Variants in CCDC60 observed in about 807,000 individuals in gnomAD.
The protein encoded by CCDC60 is coiled-coil domain containing 60, also known as coiled-coil domain-containing protein 60.
Under a neutral mutation model 63.5 loss-of-function variants are expected in CCDC60, and 54 were observed. That is an observed-to-expected ratio of 0.85 (90% CI 0.68 to 1.07). The LOEUF is 1.07. CCDC60 is among the 50% of genes least tolerant of loss of function. The probability of loss-of-function intolerance (pLI) is 0.00; values close to 1 mark genes in which losing one functional copy is unlikely to be tolerated. For synonymous variants in CCDC60, 206 were observed against 238.8 expected (o/e 0.86, Z 1.27); for missense variants, 651 against 684.3 (o/e 0.95, Z 0.54).
At chr12:119,475,752 A>G (rs934611680) in intron 3 of CCDC60, among the ~76,000 whole-genome samples, 3 of 152,162 alleles carry the variant, frequency 2.0e-5, no homozygotes, top group Non-Finnish European at 4.4e-5. Flanking sequence ...AATAAATGGT[A>G]CCAAACTCCC....
Position 119,488,759 on chromosome 12 carries a change from C to G in CCDC60, c.450C>G (p.Val150=), listed in dbSNP as rs777506922. Residue 150 remains valine (V), a splice_region_variant and synonymous_variant, in exon 5 of 14, where the codon GTC becomes GTG. Transcript: ENST00000327554. ...IISPSLTEAH[V]EPLFRQLCAL... ...GTGTTCCCTCTCTCTGTCTTTGCAG[C>G]GAGCCCCTCTTCCGCCAGCTCTGTG... The G allele has an allele frequency of 3.1e-6, 5 of 1,613,524 alleles. No individual in the cohort carries two copies. The South Asian group carries it at 4.4e-5, about 14-fold the overall frequency.
At chr12:119,394,278 C>T (rs1244788901) in intron 1 of CCDC60, among the ~76,000 whole-genome samples, 1 of 152,192 alleles carries the variant, frequency 6.6e-6, no homozygotes, top group Non-Finnish European at 1.5e-5. Context: ...GGATTTGAAA[C>T]CTATGTCTGT....
chr12:119,381,163 A>T (rs1232577238), intron 1 of CCDC60, among the ~76,000 whole-genome samples: 1 of 152,156 alleles, frequency 6.6e-6, no homozygotes, highest in Non-Finnish European at 1.5e-5. Flanking sequence ...ATTAACAGGG[A>T]CTTTTGTTTC....
intron 2 of CCDC60, among the ~76,000 whole-genome samples, chr12:119,436,083 T>C (rs1204752068): frequency 1.3e-5 from 2 of 152,190 alleles, no homozygotes; most frequent in Non-Finnish European, 2.9e-5. Context: ...TGCCATATTC[T>C]TGTGGCCAAA....
intron 7 of CCDC60, among the ~76,000 whole-genome samples, chr12:119,507,104 G>T (rs1952026487): frequency 6.6e-6 from 1 of 152,136 alleles, no homozygotes; most frequent in Non-Finnish European, 1.5e-5. Context: ...GCCTGTGGCA[G>T]CCGAGGCTGG....
At chr12:119,339,498 G>A (rs1212934114) in intron 1 of CCDC60, among the ~76,000 whole-genome samples, 1 of 151,900 alleles carries the variant, frequency 6.6e-6, no homozygotes, top group Non-Finnish European at 1.5e-5. Context: ...TAAAGGAGCA[G>A]ATTCTGCCAG....
At position 119,335,244 on chromosome 12, in the gene CCDC60, A is replaced by AT; in HGVS notation, c.69dup (p.Ala24CysfsTer73). On this transcript the variant is annotated frameshift_variant, in exon 1 of 14. Transcript: ENST00000327554. LOFTEE classifies it high-confidence loss of function. Reference sequence around the variant, plus strand: ...AACTCGGGGGCTGTCCGGCCCTTTTATGCCTCGGAGAACCTAAGGCAGGTA... The same window carrying AT: ...AACTCGGGGGCTGTCCGGCCCTTTTATTGCCTCGGAGAACCTAAGGCAGGTA... The AT allele has an allele frequency of 6.2e-7, 1 of 1,604,182 alleles. No homozygotes were observed. Among genetic ancestry groups the AT allele is most frequent in the Non-Finnish European group, 8.5e-7 (1 of 1,175,828 alleles).
At chr12:119,419,778 A>C (rs1421578440) in intron 1 of CCDC60, among the ~76,000 whole-genome samples, 3 of 151,818 alleles carry the variant, frequency 2.0e-5, no homozygotes, top group Admixed American at 2.0e-4. Flanking sequence ...TCCCCAGATG[A>C]CAGTCTCTCC....
At chr12:119,528,854 C>T in intron 12 of CCDC60, 108 bp downstream of exon 12, 1 of 1,177,396 alleles carries the variant, frequency 8.5e-7, no homozygotes, top group East Asian at 2.6e-5. Context: ...AGAGGCATTA[C>T]TCCAAAACTG....
intron 7 of CCDC60, among the ~76,000 whole-genome samples, chr12:119,507,748 T>TA (rs1952095131): frequency 6.6e-6 from 1 of 150,768 alleles, no homozygotes; most frequent in Non-Finnish European, 1.5e-5. Context: ...CCTGGCCACT[T>TA]ACGGATTTCT....
chr12:119,388,067 C>T (rs931147410), intron 1 of CCDC60: 3 of 152,220 alleles, frequency 2.0e-5, no homozygotes, highest in Admixed American at 6.5e-5. Context: ...GTTAATTCAT[C>T]GGCTCAATGT....
intron 2 of CCDC60, among the ~76,000 whole-genome samples, chr12:119,435,544 G>T (rs908907373): frequency 1.3e-5 from 2 of 152,102 alleles, no homozygotes. Flanking sequence ...AAATCCCCAG[G>T]GTCTAGCTCA....
chr12:119,452,236 A>T (rs1047245111), intron 2 of CCDC60, among the ~76,000 whole-genome samples: 5 of 152,204 alleles, frequency 3.3e-5, no homozygotes, highest in African/African-American at 1.2e-4. Flanking sequence ...ACAATTAGCA[A>T]TAATGTGATT....
At chr12:119,337,694 G>A (rs1277697440) in intron 1 of CCDC60, among the ~76,000 whole-genome samples, 1 of 152,132 alleles carries the variant, frequency 6.6e-6, no homozygotes, top group Non-Finnish European at 1.5e-5. Context: ...TGCTTGGGAT[G>A]GGGAGTAAAA....
chr12:119,355,944 T>G (rs1232894619), intron 1 of CCDC60, among the ~76,000 whole-genome samples: 4 of 152,178 alleles, frequency 2.6e-5, no homozygotes, highest in Non-Finnish European at 5.9e-5. Flanking sequence ...GTCCCTGTTT[T>G]AGCTAGTCCT....
intron 7 of CCDC60, among the ~76,000 whole-genome samples, chr12:119,508,933 G>A (rs569166775): frequency 3.3e-5 from 5 of 152,182 alleles, no homozygotes; most frequent in African/African-American, 9.6e-5. Flanking sequence ...CTTGCCCATG[G>A]TTCTCCTGGG....
At chr12:119,346,054 G>A (rs1374730637) in intron 1 of CCDC60, among the ~76,000 whole-genome samples, 1 of 149,680 alleles carries the variant, frequency 6.7e-6, no homozygotes, top group Non-Finnish European at 1.5e-5. Flanking sequence ...CGAACTCCTG[G>A]GCTCAAGAGA....
chr12:119,388,736 T>C (rs983024316), intron 1 of CCDC60, among the ~76,000 whole-genome samples: 1 of 152,246 alleles, frequency 6.6e-6, no homozygotes, highest in African/African-American at 2.4e-5. Context: ...ATTATGTATC[T>C]TTGTTCTTAC....
chr12:119,459,258 C>T lies in CCDC60; in HGVS notation c.171-12736C>T, dbSNP rs113875121. 6.6e-3 allele frequency among the ~76,000 whole-genome samples: 1,001 copies of T among 152,306 alleles called. 5 individuals are homozygous for T. The highest frequency in any genetic ancestry group is 0.031 in the Middle Eastern group (9 of 292). On this transcript the variant is annotated intron_variant, in intron 2 of 13. Coordinates refer to ENST00000327554, the MANE Select transcript of CCDC60 (RefSeq NM_178499.5). ...ATGTGTACATGAATTACCCGAGGAT[C>T]CTGTTAAAATGCAGATTCAGATTCA...
Sources: allele counts gnomAD v4.1 joint callset (sites outside exome capture counted in the v4.1 genomes callset), GRCh38; gene constraint gnomAD v4.1.1; transcripts MANE v1.5; gene names NCBI Gene and HGNC (gene_info 2026-07-23, HGNC 2026-07-21).